The following DACH2 variants were observed in gnomAD, a reference collection of about 807,000 sequenced individuals.
The protein encoded by DACH2 is dachshund family transcription factor 2.
Under a neutral mutation model 35.8 loss-of-function variants are expected in DACH2, and 17 were observed. That is an observed-to-expected ratio of 0.48 (90% CI 0.33 to 0.71). The LOEUF (loss-of-function observed/expected upper bound fraction) is 0.71, where lower values mean the gene tolerates loss of function less well. DACH2 is among the 30% of genes least tolerant of loss of function. DACH2 has a pLI of 0.02. For synonymous variants in DACH2, 195 were observed against 177.3 expected (o/e 1.10, Z -0.79); for missense variants, 469 against 472.7 (o/e 0.99, Z 0.07).
intron 3 of DACH2, among the ~76,000 whole-genome samples, chrX:86,608,626 C>T (rs1268993790): frequency 1.8e-5 from 2 of 111,530 alleles, no homozygotes; most frequent in Non-Finnish European, 3.8e-5. Flanking sequence ...TTGTAGAACA[C>T]GTCTGGTGTG....
rs537146968 is a variant in DACH2, at chrX:86,326,758, G to A, written c.489-50066G>A. On this transcript the variant is annotated intron_variant, in intron 1 of 11. Transcript: ENST00000373125. ...TATGTCCATGTGTAACCAATGTTTC[G>A]CTTCCACTTGTAAGTGAGAACATAT... Among the ~76,000 whole-genome samples the A allele has an allele frequency of 2.5e-4, 28 of 110,397 alleles. No individual in the cohort carries two copies. In the South Asian group the frequency reaches 3.9e-3, roughly 15 times the overall value.
chrX:86,445,566 C>CAAAAAAAAAAAAAAAAAA (rs34980646), intron 2 of DACH2, among the ~76,000 whole-genome samples: 2 of 48,085 alleles, frequency 4.2e-5, no homozygotes, highest in East Asian at 1.1e-3. Context: ...TCAGAGTGAA[C>CAAAAAAAAAAAAAAAAAA]AAAAAAAAAA....
At chrX:86,599,461 C>T (rs865935200) in intron 3 of DACH2, among the ~76,000 whole-genome samples, 1 of 41,721 alleles carries the variant, frequency 2.4e-5, no homozygotes, top group African/African-American at 1.0e-4. Context: ...TTCCTTCCTT[C>T]CTTCTTTTCT....
intron 2 of DACH2, among the ~76,000 whole-genome samples, chrX:86,395,252 A>G (rs112228248): frequency 0.012 from 1,310 of 111,844 alleles, 9 homozygotes; most frequent in Non-Finnish European, 0.019. Flanking sequence ...ACTCTCTCAT[A>G]AAAGTAGATC....
intron 1 of DACH2, among the ~76,000 whole-genome samples, chrX:86,172,273 T>A (rs1282519736): frequency 5.3e-5 from 6 of 112,336 alleles, no homozygotes; most frequent in Non-Finnish European, 1.1e-4. Context: ...TAAATTTTTA[T>A]AAATAAATGG....
At chrX:86,339,363 A>T (rs779376240) in intron 1 of DACH2, among the ~76,000 whole-genome samples, 2 of 111,868 alleles carry the variant, frequency 1.8e-5, no homozygotes, top group Non-Finnish European at 3.8e-5. Flanking sequence ...TCATTTAGTA[A>T]GTAAAGTAGA....
chrX:86,185,997 C>G (rs1325685330), intron 1 of DACH2, among the ~76,000 whole-genome samples: 1 of 112,429 alleles, frequency 8.9e-6, no homozygotes, highest in African/African-American at 3.2e-5. Context: ...CAAAACCTTA[C>G]AAGTTATTTA....
At chrX:86,373,991 A>T (rs1168543271) in intron 1 of DACH2, among the ~76,000 whole-genome samples, 15 of 111,082 alleles carry the variant, frequency 1.4e-4, no homozygotes, top group African/African-American at 4.9e-4. Context: ...TTTTAAATTT[A>T]TCCTAAAAGG....
At chrX:86,345,859 A>C (rs2035487932) in intron 1 of DACH2, among the ~76,000 whole-genome samples, 1 of 111,866 alleles carries the variant, frequency 8.9e-6, no homozygotes, top group Admixed American at 9.5e-5. Context: ...AAGATCCCTA[A>C]ATAAAAGAAC....
chrX:86,347,493 G>T (rs1447539599), intron 1 of DACH2, among the ~76,000 whole-genome samples: 1 of 112,588 alleles, frequency 8.9e-6, no homozygotes, highest in African/African-American at 3.2e-5. Flanking sequence ...AATCCATTCA[G>T]CTCATTTGTA....
At chrX:86,750,456 G>A (rs1415024557) in intron 7 of DACH2, among the ~76,000 whole-genome samples, 1 of 111,377 alleles carries the variant, frequency 9.0e-6, no homozygotes, top group Admixed American at 9.6e-5. Context: ...TGCTTAATAT[G>A]AGACCTACCA....
intron 3 of DACH2, among the ~76,000 whole-genome samples, chrX:86,546,386 CTT>C (rs58119052): frequency 4.0e-4 from 28 of 69,532 alleles, no homozygotes; most frequent in African/African-American, 2.1e-3. Flanking sequence ...TCTTCTTCTT[CTT>C]CTTCTTCTTC....
chrX:86,796,153 C>T (rs2887486), intron 7 of DACH2, among the ~76,000 whole-genome samples: 5,588 of 111,363 alleles, frequency 0.05, 375 homozygotes, highest in African/African-American at 0.17. Context: ...CTGATTGGTC[C>T]GTTTTTACAG....
chrX:86,706,839 A>G (rs188247741), intron 5 of DACH2, among the ~76,000 whole-genome samples: 10 of 111,083 alleles, frequency 9.0e-5, no homozygotes, highest in South Asian at 3.8e-4. Flanking sequence ...AGGATGTAAC[A>G]AAAGCAGTGC....
intron 2 of DACH2, among the ~76,000 whole-genome samples, chrX:86,498,749 A>T (rs2038208329): frequency 8.9e-6 from 1 of 112,160 alleles, no homozygotes; most frequent in African/African-American, 3.2e-5. Context: ...TGTAAAGATG[A>T]CCTAAACCAT....
At chrX:86,156,514 C>T (rs2030551548) in intron 1 of DACH2, among the ~76,000 whole-genome samples, 1 of 111,311 alleles carries the variant, frequency 9.0e-6, no homozygotes, top group South Asian at 3.7e-4. Context: ...TGCCATAAAC[C>T]TTTCACAAAT....
intron 2 of DACH2, among the ~76,000 whole-genome samples, chrX:86,412,798 G>T (rs897948365): frequency 1.8e-5 from 2 of 111,687 alleles, no homozygotes; most frequent in African/African-American, 6.5e-5. Flanking sequence ...CATTGGATCT[G>T]CTGGGTCATA....
At chrX:86,259,704 ATTGAAGTGAC>A (rs2033590055) in intron 1 of DACH2, among the ~76,000 whole-genome samples, 1 of 112,153 alleles carries the variant, frequency 8.9e-6, no homozygotes, top group Admixed American at 9.5e-5. Context: ...TGTTTGTTCA[ATTGAAGTGAC>A]TTGAAGTTGA....
At chrX:86,512,670 C>CA (rs2038412530) in intron 2 of DACH2, among the ~76,000 whole-genome samples, 1 of 111,672 alleles carries the variant, frequency 9.0e-6, no homozygotes, top group Admixed American at 9.5e-5. Context: ...TAGAAGGACA[C>CA]AAAAAAGCAT....
Sources: allele counts gnomAD v4.1 joint callset (sites outside exome capture counted in the v4.1 genomes callset), GRCh38; gene constraint gnomAD v4.1.1; transcripts MANE v1.5; gene names NCBI Gene and HGNC (gene_info 2026-07-23, HGNC 2026-07-21).